The following ZBTB7C variants were observed in gnomAD, a reference collection of about 807,000 sequenced individuals.
ZBTB7C encodes the protein zinc finger and BTB domain-containing protein 7C.
In ZBTB7C, 8 loss-of-function variants were observed where a neutral mutation model predicts 25.7. The ratio of observed to expected loss-of-function variants is 0.31; its 90% CI spans 0.18 to 0.56. The LOEUF (loss-of-function observed/expected upper bound fraction) is 0.56. ZBTB7C is among the 20% of genes least tolerant of loss of function. ZBTB7C has a pLI of 0.91. For missense variants in ZBTB7C, 824 were observed against 855.2 expected (o/e 0.96, Z 0.46); for synonymous variants, 394 against 369.0 (o/e 1.07, Z -0.78).
intron 3 of ZBTB7C, among the ~76,000 whole-genome samples, chr18:48,156,715 T>C (rs561294920): frequency 6.6e-6 from 1 of 152,216 alleles, no homozygotes; most frequent in Non-Finnish European, 1.5e-5. Flanking sequence ...ATTTCCATCA[T>C]TATACCTTTT....
intron 3 of ZBTB7C, among the ~76,000 whole-genome samples, chr18:48,103,136 CTATCTAT>C (rs2038906930): frequency 6.8e-6 from 1 of 146,300 alleles, no homozygotes; most frequent in Admixed American, 6.9e-5. Context: ...ATCTATCTAT[CTATCTAT>C]CTATCTATCT....
At chr18:48,323,208 C>T (rs996582472) in intron 2 of ZBTB7C, among the ~76,000 whole-genome samples, 1 of 152,022 alleles carries the variant, frequency 6.6e-6, no homozygotes, top group African/African-American at 2.4e-5. Flanking sequence ...AAGAAAATAT[C>T]AATTTAAAAA....
At chr18:48,308,735 G>A (rs1017003897) in intron 2 of ZBTB7C, among the ~76,000 whole-genome samples, 3 of 152,250 alleles carry the variant, frequency 2.0e-5, no homozygotes, top group Admixed American at 6.5e-5. Context: ...AGTTCTGTTC[G>A]TTCTAGGCCA....
chr18:48,076,870 C>G lies in ZBTB7C; in HGVS notation c.-16-35747G>C, dbSNP rs570101193. ...TAGTCATTATGCCCTGCCCAAAGCC[C>G]GAACCATGATCCCTTTTCCAACAAA... On this transcript the variant is annotated intron_variant, in intron 3 of 4. Transcript: ENST00000590800. The G allele has an allele frequency of 3.9e-4, 364 of 929,210 alleles. No homozygotes were observed. The African/African-American group carries it at 6.2e-3, about 16-fold the overall frequency. The allele number at this position is 929,210 out of a possible 1,614,324, so 57.6% of individuals were successfully genotyped here.
intron 3 of ZBTB7C, among the ~76,000 whole-genome samples, chr18:48,075,959 A>C (rs2037746714): frequency 6.6e-6 from 1 of 152,226 alleles, no homozygotes; most frequent in Non-Finnish European, 1.5e-5. Context: ...GCCTCTTGGC[A>C]TGTAGTACCG....
At chr18:48,091,137 G>A (rs1282082003) in intron 3 of ZBTB7C, among the ~76,000 whole-genome samples, 1 of 150,718 alleles carries the variant, frequency 6.6e-6, no homozygotes, top group East Asian at 1.9e-4. Context: ...ACAGTGGTGT[G>A]ATCATAGCTC....
chr18:48,225,502 T>C (rs1433751269), intron 2 of ZBTB7C, among the ~76,000 whole-genome samples: 1 of 152,176 alleles, frequency 6.6e-6, no homozygotes, highest in Non-Finnish European at 1.5e-5. Flanking sequence ...GTTATTTCAA[T>C]CGTGCTTTCA....
chr18:48,288,110 CT>C (rs2045111608), intron 2 of ZBTB7C, among the ~76,000 whole-genome samples: 1 of 152,164 alleles, frequency 6.6e-6, no homozygotes, highest in South Asian at 2.1e-4. Flanking sequence ...AGAAATGAAA[CT>C]GACATTATTT....
At chr18:48,364,542 G>T (rs1007531769) in intron 1 of ZBTB7C, among the ~76,000 whole-genome samples, 10 of 152,210 alleles carry the variant, frequency 6.6e-5, no homozygotes, top group Admixed American at 4.6e-4. Context: ...AGACCAGTTT[G>T]ACTGGCATGA....
At chr18:48,067,681 A>G (rs1433412477) in intron 3 of ZBTB7C, among the ~76,000 whole-genome samples, 2 of 152,092 alleles carry the variant, frequency 1.3e-5, no homozygotes, top group Non-Finnish European at 2.9e-5. Context: ...CAGCCCTTAC[A>G]ATTGCACGAG....
intron 2 of ZBTB7C, among the ~76,000 whole-genome samples, chr18:48,316,362 C>T (rs1188467160): frequency 6.6e-6 from 1 of 152,192 alleles, no homozygotes; most frequent in Non-Finnish European, 1.5e-5. Context: ...CCTCCTCCAC[C>T]CCCAGCCCCT....
At chr18:48,399,675 C>G (rs867650442) in intron 1 of ZBTB7C, among the ~76,000 whole-genome samples, 5 of 152,064 alleles carry the variant, frequency 3.3e-5, no homozygotes, top group Admixed American at 3.3e-4. Context: ...GAGTTGGGGT[C>G]GTCAGGTAGA....
At chr18:48,135,153 T>C (rs2040108560) in intron 3 of ZBTB7C, among the ~76,000 whole-genome samples, 1 of 152,112 alleles carries the variant, frequency 6.6e-6, no homozygotes, top group African/African-American at 2.4e-5. Context: ...ACTATTCCCA[T>C]TGACAGAGGC....
At chr18:48,318,677 T>C (rs1311551349) in intron 2 of ZBTB7C, among the ~76,000 whole-genome samples, 2 of 152,152 alleles carry the variant, frequency 1.3e-5, no homozygotes, top group Non-Finnish European at 2.9e-5. Flanking sequence ...GCAGGGGCGA[T>C]TGTTCTCAAC....
chr18:48,200,220 G>A (rs944039565), intron 2 of ZBTB7C, among the ~76,000 whole-genome samples: 4 of 152,256 alleles, frequency 2.6e-5, no homozygotes, highest in Admixed American at 2.0e-4. Context: ...AACCCTTCTG[G>A]AGTAGGCACG....
intron 2 of ZBTB7C, among the ~76,000 whole-genome samples, chr18:48,303,509 G>C (rs915564263): frequency 6.6e-6 from 1 of 152,212 alleles, no homozygotes; most frequent in African/African-American, 2.4e-5. Context: ...TTAGCATAAG[G>C]TGTTAACACT....
At chr18:48,379,240 C>A (rs1361766665) in intron 1 of ZBTB7C, among the ~76,000 whole-genome samples, 1 of 152,122 alleles carries the variant, frequency 6.6e-6, no homozygotes, top group Non-Finnish European at 1.5e-5. Context: ...TTTGCTAATA[C>A]CACCCCCTCT....
At chr18:48,297,799 C>T (rs2045437210) in intron 2 of ZBTB7C, among the ~76,000 whole-genome samples, 1 of 152,176 alleles carries the variant, frequency 6.6e-6, no homozygotes, top group Non-Finnish European at 1.5e-5. Flanking sequence ...TTTACACGCT[C>T]ATTAAGAGGA....
chr18:48,084,048 C>A (rs937006547), intron 3 of ZBTB7C, among the ~76,000 whole-genome samples: 2 of 152,218 alleles, frequency 1.3e-5, no homozygotes, highest in African/African-American at 4.8e-5. Context: ...CTTCTGCAGG[C>A]ATGAGGCCTC....
Sources: gnomAD v4.1 joint callset for allele counts (sites outside exome capture counted in the v4.1 genomes callset) on GRCh38, gnomAD v4.1.1 for gene constraint, MANE v1.5 for transcripts, NCBI Gene and HGNC (gene_info 2026-07-23, HGNC 2026-07-21) for gene names.